Variants in GMDS observed in about 807,000 individuals in gnomAD.
GMDS encodes GDP-mannose 4,6-dehydratase, also known as GDP-mannose 4,6 dehydratase.
Under a neutral mutation model 49.9 loss-of-function variants are expected in GMDS, and 20 were observed. That is an observed-to-expected ratio of 0.40 (90% CI 0.28 to 0.58). The LOEUF (loss-of-function observed/expected upper bound fraction) is 0.58. Ranked by LOEUF, GMDS falls within the 20% of genes least tolerant of loss-of-function variation. The probability of loss-of-function intolerance (pLI) is 0.42; values close to 1 mark genes in which losing one functional copy is unlikely to be tolerated. For synonymous variants in GMDS, 177 were observed against 178.6 expected (o/e 0.99, Z 0.07); for missense variants, 362 against 481.4 (o/e 0.75, Z 2.32).
intron 9 of GMDS, among the ~76,000 whole-genome samples, chr6:1,673,870 G>C (rs995783351): frequency 6.6e-6 from 1 of 151,686 alleles, no homozygotes; most frequent in African/African-American, 2.4e-5. Context: ...TGGCTTGATA[G>C]CTCATTTCCT....
At chr6:2,136,340 C>G (rs1185610610) in intron 1 of GMDS, among the ~76,000 whole-genome samples, 3 of 152,208 alleles carry the variant, frequency 2.0e-5, no homozygotes, top group Admixed American at 1.3e-4. Context: ...AAAGTTTTCT[C>G]ATAACGAAAT....
At chr6:1,643,723 T>C (rs771597741) in intron 9 of GMDS, among the ~76,000 whole-genome samples, 2 of 152,096 alleles carry the variant, frequency 1.3e-5, no homozygotes, top group African/African-American at 2.4e-5. Flanking sequence ...CTAGAGTTGA[T>C]TGTGGTGATG....
chr6:1,702,625 G>A (rs1451291939), intron 9 of GMDS, among the ~76,000 whole-genome samples: 1 of 152,212 alleles, frequency 6.6e-6, no homozygotes, highest in African/African-American at 2.4e-5. Flanking sequence ...CCCAGCTGTG[G>A]TGGCATTAAT....
At chr6:1,919,416 T>A (rs1258908363) in intron 7 of GMDS, among the ~76,000 whole-genome samples, 1 of 152,240 alleles carries the variant, frequency 6.6e-6, no homozygotes, top group Non-Finnish European at 1.5e-5. Context: ...ATAATTTCCA[T>A]ATGAGGCTTA....
At chr6:1,915,949 T>C (rs759662700) in intron 7 of GMDS, among the ~76,000 whole-genome samples, 6 of 152,206 alleles carry the variant, frequency 3.9e-5, no homozygotes, top group Non-Finnish European at 7.3e-5. Flanking sequence ...CCATTAGAGC[T>C]GTTCATAAAG....
intron 1 of GMDS, among the ~76,000 whole-genome samples, chr6:2,174,990 G>C (rs561780944): frequency 6.6e-6 from 1 of 152,296 alleles, no homozygotes; most frequent in South Asian, 2.1e-4. Flanking sequence ...CCACTGTGGG[G>C]CATCAGGGCT....
chr6:1,663,969 G>T (rs1764165149), intron 9 of GMDS, among the ~76,000 whole-genome samples: 1 of 152,110 alleles, frequency 6.6e-6, no homozygotes, highest in Non-Finnish European at 1.5e-5. Context: ...GCACCCTCAG[G>T]ACCCAGAGCA....
At chr6:1,851,437 T>A (rs1581255798) in intron 7 of GMDS, among the ~76,000 whole-genome samples, 2 of 152,324 alleles carry the variant, frequency 1.3e-5, no homozygotes, top group East Asian at 3.9e-4. Flanking sequence ...TAATATTATA[T>A]TAAAGGGGCT....
chr6:1,929,230 G>C (rs947646058), intron 7 of GMDS, among the ~76,000 whole-genome samples: 1 of 152,126 alleles, frequency 6.6e-6, no homozygotes. Flanking sequence ...AGAAAGCTGG[G>C]TCCAGTTTCC....
intron 7 of GMDS, among the ~76,000 whole-genome samples, chr6:1,868,409 T>C (rs1758548271): frequency 6.6e-6 from 1 of 152,162 alleles, no homozygotes; most frequent in Non-Finnish European, 1.5e-5. Context: ...AGTAAATACA[T>C]ACATGGATGA....
At chr6:1,732,918 A>C (rs1766867487) in intron 8 of GMDS, among the ~76,000 whole-genome samples, 1 of 152,216 alleles carries the variant, frequency 6.6e-6, no homozygotes, top group African/African-American at 2.4e-5. Flanking sequence ...TGTAAGTAGC[A>C]GATGTGAGTG....
At chr6:2,124,590 G>C in intron 2 of GMDS, 97 bp downstream of exon 2, 1 of 913,690 alleles carries the variant, frequency 1.1e-6, no homozygotes, top group African/African-American at 1.6e-5. Context: ...CGTTTCAGTG[G>C]AAAACACACT....
At chr6:2,200,797 A>T (rs1201950153) in intron 1 of GMDS, among the ~76,000 whole-genome samples, 1 of 147,794 alleles carries the variant, frequency 6.8e-6, no homozygotes, top group Admixed American at 6.7e-5. Context: ...TGAAGGATGA[A>T]GACAGAGCAC....
intron 3 of GMDS, 64 bp from the exon 4 acceptor site, chr6:2,115,944 A>T (rs1774824228): frequency 1.1e-6 from 1 of 943,618 alleles, no homozygotes; most frequent in Non-Finnish European, 1.7e-6. Flanking sequence ...TTTTAAAAAC[A>T]TCAAAATTGA....
rs1402876874 is a variant in GMDS, at chr6:1,635,817, C to A, written c.988-11277G>T. 6.6e-6 allele frequency among the ~76,000 whole-genome samples: 1 copy of A among 152,228 alleles called. No homozygotes were observed. On this transcript the variant is annotated intron_variant, in intron 9 of 10. Coordinates refer to ENST00000380815, the MANE Select transcript of GMDS (RefSeq NM_001500.4). This position sits in a 1 kb window ranked among gnomAD's most constrained non-coding sequence, Gnocchi z 4.7. ...AGAAATTACTGATTACAGCCTTGTA[C>A]ATAACCCACAGCCACTCCAGGCAAG...
chr6:1,698,777 C>A (rs2113357874), intron 9 of GMDS, among the ~76,000 whole-genome samples: 1 of 140,876 alleles, frequency 7.1e-6, no homozygotes. Context: ...CACACTGAGG[C>A]CTGGTTTCCC....
At chr6:2,106,394 A>G (rs1774243087) in intron 4 of GMDS, among the ~76,000 whole-genome samples, 1 of 152,234 alleles carries the variant, frequency 6.6e-6, no homozygotes, top group African/African-American at 2.4e-5. Context: ...ATGTAAGGAT[A>G]AAGTAGAAAT....
Position 2,103,103 on chromosome 6 carries a change from T to C in GMDS, c.345+12668A>G, listed in dbSNP as rs75192090. Among the ~76,000 whole-genome samples, 553 of 152,298 alleles carry C rather than the reference T, an allele frequency of 3.6e-3. 2 individuals are homozygous for C. Among genetic ancestry groups the C allele is most frequent in the African/African-American group, 0.013 (538 of 41,554 alleles). On this transcript the variant is annotated intron_variant, in intron 4 of 10. Transcript: ENST00000380815. ...CAACAGCCAGAATATGTTTAATGCT[T>C]CATTAAAACAACATTGAGGCCCATT...
rs548991539 is a variant in GMDS, at chr6:1,861,395, A to G, written c.771+68708T>C. 2.6e-4 allele frequency among the ~76,000 whole-genome samples: 40 copies of G among 152,262 alleles called. No individual in the cohort carries two copies. In the South Asian group the frequency reaches 6.0e-3, roughly 23 times the overall value. On this transcript the variant is annotated intron_variant, in intron 7 of 10. Transcript: ENST00000380815. ...ACCGTCTAGAGGACCAGGAGGGGCC[A>G]CTCCAGTGTGGTGCAGCTGGGGATG...
Sources: allele counts gnomAD v4.1 joint callset (sites outside exome capture counted in the v4.1 genomes callset), GRCh38; gene constraint gnomAD v4.1.1; non-coding constraint Gnocchi (gnomAD v3.1); transcripts MANE v1.5; gene names NCBI Gene and HGNC (gene_info 2026-07-23, HGNC 2026-07-21).